The following SMIM7 variants were observed in gnomAD, a reference collection of about 807,000 sequenced individuals.
SMIM7 encodes small integral membrane protein 7.
In SMIM7, 12 loss-of-function variants were observed where a neutral mutation model predicts 13.3. The observed-to-expected ratio is 0.90, with a 90% confidence interval of 0.58 to 1.46. The LOEUF (loss-of-function observed/expected upper bound fraction) is 1.46. SMIM7 is among the 40% of genes most tolerant of loss of function. SMIM7 has a pLI of 0.00. For synonymous variants in SMIM7, 36 were observed against 35.8 expected, an observed-to-expected ratio of 1.01 and a Z score of -0.02; for missense variants, 114 against 94.8, an observed-to-expected ratio of 1.20 and a Z score of -0.84.
chr19:16,655,188 A>G, intron 3 of SMIM7: 1 of 377,274 alleles, frequency 2.7e-6, no homozygotes, highest in South Asian at 1.9e-5. Flanking sequence ...AACTGAAAGC[A>G]TCCTAATTCA....
downstream of SMIM7, among the ~76,000 whole-genome samples, chr19:16,643,482 C>T (rs751069880): frequency 9.2e-5 from 14 of 152,148 alleles, no homozygotes; most frequent in East Asian, 1.9e-4. Flanking sequence ...CTGTAACCTC[C>T]GCCTCCCGAG....
chr19:16,631,895 G>GAA (rs2086324502), intron 4 of SMIM7, among the ~76,000 whole-genome samples: 1 of 146,026 alleles, frequency 6.8e-6, no homozygotes, highest in Non-Finnish European at 1.5e-5. Flanking sequence ...TTTTTCGAGA[G>GAA]AGTCTCACTC....
At chr19:16,659,658 G>A in intron 2 of SMIM7, 1 of 659,524 alleles carries the variant, frequency 1.5e-6, no homozygotes, top group Non-Finnish European at 2.6e-6. Context: ...TTTACAAAGT[G>A]GCCCGACAGT....
intron 4 of SMIM7, among the ~76,000 whole-genome samples, chr19:16,652,140 T>G (rs932859092): frequency 6.6e-6 from 1 of 152,258 alleles, no homozygotes; most frequent in Non-Finnish European, 1.5e-5. Flanking sequence ...CCACTTCCTG[T>G]GCCACCATGC....
chr19:16,657,431 C>T (rs2086610332), intron 3 of SMIM7, among the ~76,000 whole-genome samples: 2 of 152,206 alleles, frequency 1.3e-5, no homozygotes, highest in Admixed American at 1.3e-4. Flanking sequence ...TTAAGTAACA[C>T]ATGGCTGCTG....
intron 4 of SMIM7, among the ~76,000 whole-genome samples, chr19:16,651,105 T>C (rs545061266): frequency 4.6e-5 from 7 of 152,318 alleles, no homozygotes; most frequent in Admixed American, 3.3e-4. Context: ...TTCCAGTTTT[T>C]AAATATCCTG....
At position 16,646,353 on chromosome 19, in the gene SMIM7, A is replaced by G. The variant is rs1216466138; in HGVS notation, c.*893T>C. 6.6e-6 allele frequency: 1 copy of G among 152,204 alleles called. No homozygotes were observed. Among genetic ancestry groups the G allele is most frequent in the Non-Finnish European group, 1.5e-5 (1 of 68,038 alleles). The allele number at this position is 152,204 out of a possible 1,614,324, so 9.4% of individuals were successfully genotyped here. On this transcript the variant is annotated 3_prime_UTR_variant, in exon 5 of 5. Coordinates refer to ENST00000487416, the MANE Select transcript of SMIM7 (RefSeq NM_024104.4). ...AGCAAATCACACAGTTGTGGGATTC[A>G]GCGCCAACCCCGGGCGTTTCATTTT...
At chr19:16,659,303 AAGAG>A in intron 3 of SMIM7, 88 bp downstream of exon 3, 1 of 1,071,132 alleles carries the variant, frequency 9.3e-7, no homozygotes, top group Non-Finnish European at 1.4e-6. Flanking sequence ...AAAAAAAAAA[AAGAG>A]AAAGAAAGAA....
At chr19:16,654,252 C>CT in intron 3 of SMIM7, 127 bp from the exon 4 acceptor site, 1 of 709,816 alleles carries the variant, frequency 1.4e-6, no homozygotes, top group Non-Finnish European at 2.5e-6. Context: ...AACAGTGTGG[C>CT]TTTTCCTTTT....
chr19:16,655,892 C>A (rs569200149), intron 3 of SMIM7, among the ~76,000 whole-genome samples: 10 of 152,094 alleles, frequency 6.6e-5, no homozygotes, highest in African/African-American at 2.4e-4. Flanking sequence ...ACGGTTTAGA[C>A]GAGCCTAGTA....
intron 4 of SMIM7, chr19:16,638,736 T>C (rs2086379640): frequency 6.6e-6 from 1 of 152,218 alleles, no homozygotes; most frequent in Non-Finnish European, 1.5e-5. Flanking sequence ...GAAAGTCTTT[T>C]AATAAAAGCA....
intron 3 of SMIM7, among the ~76,000 whole-genome samples, chr19:16,657,275 A>C (rs2086608649): frequency 6.6e-6 from 1 of 152,180 alleles, no homozygotes; most frequent in African/African-American, 2.4e-5. Flanking sequence ...CAAAGCAGGA[A>C]GCTCCTGACA....
intron 4 of SMIM7, among the ~76,000 whole-genome samples, chr19:16,649,729 T>C (rs577937387): frequency 6.6e-6 from 1 of 152,288 alleles, no homozygotes; most frequent in South Asian, 2.1e-4. Flanking sequence ...ACATTTCAAC[T>C]GTCCACCAAC....
rs185694870 is a variant in SMIM7, at chr19:16,649,973, G to A, written c.213-2712C>T. On this transcript the variant is annotated intron_variant, in intron 4 of 4. Coordinates refer to ENST00000487416, the MANE Select transcript of SMIM7 (RefSeq NM_024104.4). ...GTGGTTGCCAGGGACTAAGGGAGGG[G>A]AAATGGGGCGTGACTGCCAATGGGG... Among the ~76,000 whole-genome samples the A allele has an allele frequency of 4.1e-3, 617 of 152,214 alleles. 3 individuals carry two copies. Among genetic ancestry groups the A allele is most frequent in the Non-Finnish European group, 6.8e-3 (459 of 67,996 alleles).
intron 2 of SMIM7, 83 bp downstream of exon 2, chr19:16,659,876 G>C: frequency 1.3e-6 from 2 of 1,525,478 alleles, no homozygotes; most frequent in Non-Finnish European, 1.8e-6. Context: ...GGCGGGGCCT[G>C]AGAAGTGCGC....
chr19:16,655,764 G>A (rs2086590081), intron 3 of SMIM7, among the ~76,000 whole-genome samples: 1 of 151,802 alleles, frequency 6.6e-6, no homozygotes, highest in South Asian at 2.1e-4. Context: ...GCAGACTGGG[G>A]CTGCATGGTA....
At chr19:16,643,271 GAAGA>G (rs1181663572), downstream of SMIM7, among the ~76,000 whole-genome samples, 5 of 152,230 alleles carry the variant, frequency 3.3e-5, no homozygotes, top group African/African-American at 1.2e-4. Flanking sequence ...ATTATGCACA[GAAGA>G]AAGGTTGGAA....
At chr19:16,639,930 C>G (rs2086392955) in intron 4 of SMIM7, 1 of 152,068 alleles carries the variant, frequency 6.6e-6, no homozygotes, top group Admixed American at 6.6e-5. Context: ...ATTACCCAGT[C>G]TCAGGCAATC....
At chr19:16,659,794 T>C in intron 2 of SMIM7, 165 bp downstream of exon 2, 1 of 812,120 alleles carries the variant, frequency 1.2e-6, no homozygotes, top group Non-Finnish European at 1.9e-6. Context: ...TCTCGGGGGG[T>C]GGGGGGCGAG....
Sources: gnomAD v4.1 joint callset for allele counts (sites outside exome capture counted in the v4.1 genomes callset) on GRCh38, gnomAD v4.1.1 for gene constraint, MANE v1.5 for transcripts, NCBI Gene and HGNC (gene_info 2026-07-23, HGNC 2026-07-21) for gene names.